The following BMPR2 variants were observed in gnomAD, a reference collection of about 807,000 sequenced individuals.
The protein encoded by BMPR2 is bone morphogenetic protein receptor type-2.
In BMPR2, 29 loss-of-function variants were observed where a neutral mutation model predicts 100.8. The observed-to-expected ratio is 0.29, with a 90% CI of 0.21 to 0.39. BMPR2 has a LOEUF of 0.39. BMPR2 is among the 10% of genes least tolerant of loss of function. The pLI is 1.00. For missense variants in BMPR2, 1,011 were observed against 1,274.5 expected (o/e 0.79, Z 3.15); for synonymous variants, 382 against 442.3 (o/e 0.86, Z 1.71).
At chr2:202,452,102 A>G (rs541196653) in intron 1 of BMPR2, among the ~76,000 whole-genome samples, 2 of 152,188 alleles carry the variant, frequency 1.3e-5, no homozygotes, top group South Asian at 4.1e-4. Context: ...ACTCCCCACC[A>G]TACTCAACAT....
intron 1 of BMPR2, among the ~76,000 whole-genome samples, chr2:202,413,758 G>A (rs1025970324): frequency 1.3e-4 from 19 of 151,728 alleles, no homozygotes; most frequent in South Asian, 2.1e-4. Flanking sequence ...TCCACCTCCC[G>A]TGTTCAAATG....
chr2:202,436,597 TGA>T (rs1240566467), intron 1 of BMPR2, among the ~76,000 whole-genome samples: 1 of 150,816 alleles, frequency 6.6e-6, no homozygotes, highest in Admixed American at 6.6e-5. Context: ...TTTGAATTTG[TGA>T]GTTTGCCACC....
rs1259950200 is a variant in BMPR2 at position 202,402,676 on chromosome 2, A to AT, written c.76+25134dup. 5.1e-4 allele frequency among the ~76,000 whole-genome samples: 63 copies of AT among 122,626 alleles called. 1 individual carries two copies. The East Asian group carries it at 0.015, about 29-fold the overall frequency. 80.4% of individuals were successfully genotyped at this position (122,626 alleles called of 152,430 possible). A position where few individuals can be genotyped will look rare whatever the true frequency, so the allele number is the denominator to read the frequency against. ...TGTGTGTGTGTGTGTGTGTGTGTGTATTTTTTTTGAGACAGAGTCTTGCTC... is the reference window on the plus strand; with the variant it reads ...TGTGTGTGTGTGTGTGTGTGTGTGTATTTTTTTTTGAGACAGAGTCTTGCTC... On this transcript the variant is annotated intron_variant, in intron 1 of 12. Coordinates refer to ENST00000374580, the MANE Select transcript of BMPR2 (RefSeq NM_001204.7).
intron 1 of BMPR2, among the ~76,000 whole-genome samples, chr2:202,398,786 A>T (rs1205715728): frequency 6.6e-6 from 1 of 152,192 alleles, no homozygotes; most frequent in East Asian, 1.9e-4. Flanking sequence ...TTGTAGCTAT[A>T]CAAAGCATCT....
At chr2:202,492,585 A>G (rs1574475966) in intron 3 of BMPR2, among the ~76,000 whole-genome samples, 1 of 151,678 alleles carries the variant, frequency 6.6e-6, no homozygotes, top group East Asian at 2.0e-4. Flanking sequence ...CTCTAATCCC[A>G]GCTACTTGGG....
chr2:202,492,874 C>CA (rs1385990583), intron 3 of BMPR2, among the ~76,000 whole-genome samples: 2 of 151,976 alleles, frequency 1.3e-5, no homozygotes, highest in Non-Finnish European at 2.9e-5. Context: ...TATAAGAGAG[C>CA]AAAGGTTACT....
chr2:202,383,406 T>G (rs1403215389), intron 1 of BMPR2, among the ~76,000 whole-genome samples: 1 of 151,386 alleles, frequency 6.6e-6, no homozygotes, highest in East Asian at 1.9e-4. Context: ...TTAGGCCAGT[T>G]GCCATGGCTC....
intron 1 of BMPR2, among the ~76,000 whole-genome samples, chr2:202,429,422 G>A (rs1407675929): frequency 1.3e-5 from 2 of 151,992 alleles, no homozygotes; most frequent in Non-Finnish European, 2.9e-5. Context: ...AACTTAACAC[G>A]TTCTTGCTAA....
At chr2:202,426,577 A>AAG (rs1157166838) in intron 1 of BMPR2, among the ~76,000 whole-genome samples, 2 of 151,210 alleles carry the variant, frequency 1.3e-5, no homozygotes, top group African/African-American at 4.9e-5. Flanking sequence ...TCAAAAAAAA[A>AAG]AAAAAAAAAA....
chr2:202,541,984 G>T (rs546889832), intron 9 of BMPR2, among the ~76,000 whole-genome samples: 1 of 151,748 alleles, frequency 6.6e-6, no homozygotes, highest in African/African-American at 2.4e-5. Context: ...GGTGGTGTGC[G>T]CCTGTAATCC....
intron 7 of BMPR2, among the ~76,000 whole-genome samples, chr2:202,528,046 C>T (rs1485600457): frequency 6.6e-6 from 1 of 151,754 alleles, no homozygotes; most frequent in Non-Finnish European, 1.5e-5. Context: ...AATTAGCTGG[C>T]TGTGGTGGCA....
intron 3 of BMPR2, among the ~76,000 whole-genome samples, chr2:202,497,294 C>T (rs770784747): frequency 1.3e-5 from 2 of 152,208 alleles, no homozygotes; most frequent in Admixed American, 6.5e-5. Flanking sequence ...AATCGCTGAG[C>T]GGTGAGAGCA....
intron 3 of BMPR2, among the ~76,000 whole-genome samples, chr2:202,493,636 A>T (rs932953490): frequency 2.6e-5 from 4 of 152,178 alleles, no homozygotes; most frequent in African/African-American, 9.7e-5. Context: ...TGTCTCTCCT[A>T]ATCATAAAAT....
intron 3 of BMPR2, among the ~76,000 whole-genome samples, chr2:202,491,528 A>T (rs1428492750): frequency 6.6e-6 from 1 of 151,594 alleles, no homozygotes; most frequent in Non-Finnish European, 1.5e-5. Flanking sequence ...GGTTCAAGCA[A>T]TTCTCTTGTC....
chr2:202,422,468 G>T (rs1315086552), intron 1 of BMPR2, among the ~76,000 whole-genome samples: 1 of 149,768 alleles, frequency 6.7e-6, no homozygotes, highest in Non-Finnish European at 1.5e-5. Flanking sequence ...CACCATGCCC[G>T]GCTAATTTTT....
intron 1 of BMPR2, among the ~76,000 whole-genome samples, chr2:202,418,723 G>C (rs1003388545): frequency 2.0e-5 from 3 of 152,200 alleles, no homozygotes; most frequent in Admixed American, 6.5e-5. Flanking sequence ...GATAAGGGGT[G>C]GGGGAGACCA....
chr2:202,515,080 C>A, intron 5 of BMPR2, 101 bp downstream of exon 5: 1 of 1,222,544 alleles, frequency 8.2e-7, no homozygotes, highest in Non-Finnish European at 1.2e-6. Context: ...ATTTATTTAA[C>A]CCTATTTACT....
chr2:202,393,965 C>T (rs971291963), intron 1 of BMPR2, among the ~76,000 whole-genome samples: 5 of 142,842 alleles, frequency 3.5e-5, no homozygotes, highest in African/African-American at 1.0e-4. Flanking sequence ...GTCATATCAT[C>T]AGTAATTATC....
Position 202,567,275 on chromosome 2 carries a change from C to G in BMPR2, c.*7329C>G, listed in dbSNP as rs916426936. On this transcript the variant is annotated 3_prime_UTR_variant, in exon 13 of 13. Transcript: ENST00000374580. ...AGAAACATAAGCTACGGAGTATTCACTTCTGAGGATGCTTTTCCGGAAAAA... is the reference window on the plus strand; with the variant it reads ...AGAAACATAAGCTACGGAGTATTCAGTTCTGAGGATGCTTTTCCGGAAAAA... 2 of 152,610 alleles carry G rather than the reference C, an allele frequency of 1.3e-5. No homozygotes were observed. Among genetic ancestry groups the G allele is most frequent in the African/African-American group, 4.8e-5 (2 of 41,436 alleles). The allele number at this position is 152,610 out of a possible 1,614,324, so 9.5% of individuals were successfully genotyped here. A position where few individuals can be genotyped will look rare whatever the true frequency, so the allele number is the denominator to read the frequency against.
Sources: gnomAD v4.1 joint callset for allele counts (sites outside exome capture counted in the v4.1 genomes callset) on GRCh38, gnomAD v4.1.1 for gene constraint, MANE v1.5 for transcripts, NCBI Gene and HGNC (gene_info 2026-07-23, HGNC 2026-07-21) for gene names.